The following MCC variants were observed in gnomAD, a reference collection of about 807,000 sequenced individuals.
MCC encodes MCC regulator of Wnt signaling pathway.
Under a neutral mutation model 116.2 loss-of-function variants are expected in MCC, and 90 were observed. The observed-to-expected ratio is 0.77, with a 90% CI of 0.65 to 0.92. The LOEUF (loss-of-function observed/expected upper bound fraction) is 0.92. Ranked by LOEUF, MCC falls within the 40% of genes least tolerant of loss-of-function variation. The pLI, the probability that MCC is intolerant of heterozygous loss-of-function variation, is 0.00. For missense variants in MCC, 1,516 were observed against 1,312.2 expected (o/e 1.16, Z -2.40); for synonymous variants, 578 against 510.5 (o/e 1.13, Z -1.78).
At chr5:113,487,974 G>T (rs556733160) in intron 1 of MCC, among the ~76,000 whole-genome samples, 1 of 152,176 alleles carries the variant, frequency 6.6e-6, no homozygotes, top group African/African-American at 2.4e-5. Flanking sequence ...GCCCCCGGAA[G>T]AGTGCGCATC....
intron 3 of MCC, among the ~76,000 whole-genome samples, chr5:113,187,320 G>A (rs1392749529): frequency 6.6e-6 from 1 of 152,116 alleles, no homozygotes; most frequent in Non-Finnish European, 1.5e-5. Flanking sequence ...TGTTGGCCAG[G>A]CTCATTTTGA....
chr5:113,253,309 T>C (rs1313573752), intron 3 of MCC, among the ~76,000 whole-genome samples: 1 of 152,136 alleles, frequency 6.6e-6, no homozygotes, highest in African/African-American at 2.4e-5. Context: ...GGCCTCCTTT[T>C]CACCAGCCTA....
At chr5:113,139,242 C>G (rs1198974575) in intron 5 of MCC, among the ~76,000 whole-genome samples, 1 of 152,148 alleles carries the variant, frequency 6.6e-6, no homozygotes, top group Non-Finnish European at 1.5e-5. Context: ...GGCTTCTAAA[C>G]TTTTTCTAGA....
chr5:113,281,116 T>C (rs1311154546), intron 3 of MCC, among the ~76,000 whole-genome samples: 4 of 152,188 alleles, frequency 2.6e-5, no homozygotes, highest in Non-Finnish European at 5.9e-5. Context: ...AAAAACTTCT[T>C]GCAAATAAAA....
At chr5:113,218,256 T>C (rs974810385) in intron 3 of MCC, among the ~76,000 whole-genome samples, 1 of 152,184 alleles carries the variant, frequency 6.6e-6, no homozygotes, top group African/African-American at 2.4e-5. Context: ...GTAGGAGCTT[T>C]CATGCCCTGG....
At chr5:113,292,910 T>C (rs775138843) in intron 3 of MCC, among the ~76,000 whole-genome samples, 2 of 152,134 alleles carry the variant, frequency 1.3e-5, no homozygotes, top group African/African-American at 4.8e-5. Context: ...TAGTTCAGAT[T>C]TGAGACCGTT....
intron 5 of MCC, among the ~76,000 whole-genome samples, chr5:113,126,751 C>A (rs1561378793): frequency 3.3e-5 from 5 of 152,126 alleles, no homozygotes. Context: ...CTTATGTTAT[C>A]CGTAAGGCTT....
intron 1 of MCC, among the ~76,000 whole-genome samples, chr5:113,444,679 G>T (rs1430322636): frequency 2.0e-5 from 3 of 152,082 alleles, no homozygotes; most frequent in Non-Finnish European, 4.4e-5. Context: ...TGTTGCTACT[G>T]GTTCCTGGCT....
At position 113,385,129 on chromosome 5, in the gene MCC, T is replaced by C. The variant is rs1229172878; in HGVS notation, c.254A>G (p.Asn85Ser). 1.9e-6 allele frequency: 3 copies of C among 1,614,078 alleles called. No homozygotes were observed. The East Asian group carries it at 6.7e-5, about 36-fold the overall frequency. Reference sequence around the variant, plus strand: ...GAAATCCTGAAAGGAAATCTTCCCATTTTCATCTGCTCCCAACTGGTTCAT... The same window carrying C: ...GAAATCCTGAAAGGAAATCTTCCCACTTTCATCTGCTCCCAACTGGTTCAT... The part of the protein sequence containing the change: ...EIMNQLGADE[N>S]GKISFQDFTR... Residue 85 changes from asparagine to serine, a missense_variant, in exon 2 of 19, where the codon AAT becomes AGT. Physicochemically the swap from Asn to Ser is conservative, Grantham distance 46. Coordinates refer to ENST00000408903, the MANE Select transcript of MCC (RefSeq NM_001085377.2).
At chr5:113,040,224 G>A (rs1402654369) in intron 17 of MCC, among the ~76,000 whole-genome samples, 13 of 151,746 alleles carry the variant, frequency 8.6e-5, no homozygotes, top group African/African-American at 2.9e-4. Flanking sequence ...ACAGAAGAAA[G>A]TTAGGAGAAG....
At chr5:113,058,683 T>A (rs6879589) in intron 14 of MCC, among the ~76,000 whole-genome samples, 1 of 152,038 alleles carries the variant, frequency 6.6e-6, no homozygotes, top group Admixed American at 6.6e-5. Context: ...CCTCTGCCAC[T>A]TCCTTGCTTT....
chr5:113,190,755 C>A (rs1762117146), intron 3 of MCC, among the ~76,000 whole-genome samples: 1 of 152,190 alleles, frequency 6.6e-6, no homozygotes, highest in African/African-American at 2.4e-5. Context: ...AGGGCAGGGG[C>A]AAGAGGAAGT....
chr5:113,484,138 C>T (rs1197703688), intron 1 of MCC, among the ~76,000 whole-genome samples: 1 of 151,902 alleles, frequency 6.6e-6, no homozygotes, highest in Non-Finnish European at 1.5e-5. Context: ...GCTTAGTATC[C>T]ATAACTATAG....
At chr5:113,145,979 A>G (rs1242070887) in intron 4 of MCC, among the ~76,000 whole-genome samples, 5 of 152,212 alleles carry the variant, frequency 3.3e-5, no homozygotes, top group African/African-American at 4.8e-5. Flanking sequence ...GCTTGTAGCT[A>G]AAGGAAAAAA....
intron 1 of MCC, among the ~76,000 whole-genome samples, chr5:113,443,921 C>G (rs751147940): frequency 1.3e-5 from 2 of 152,050 alleles, no homozygotes; most frequent in African/African-American, 2.4e-5. Flanking sequence ...CCTCCTGGTT[C>G]AAGCAATTCT....
chr5:113,275,837 T>A (rs888544683), intron 3 of MCC, among the ~76,000 whole-genome samples: 1 of 152,140 alleles, frequency 6.6e-6, no homozygotes, highest in Non-Finnish European at 1.5e-5. Context: ...GATTTTGGTG[T>A]AGCGGGAGGT....
At chr5:113,439,410 T>C (rs1215347911) in intron 1 of MCC, among the ~76,000 whole-genome samples, 1 of 152,106 alleles carries the variant, frequency 6.6e-6, no homozygotes, top group Non-Finnish European at 1.5e-5. Flanking sequence ...GAAAGGGAAA[T>C]GGCATTTGAA....
At chr5:113,045,895 T>C (rs1378776848) in intron 16 of MCC, among the ~76,000 whole-genome samples, 1 of 151,702 alleles carries the variant, frequency 6.6e-6, no homozygotes, top group South Asian at 2.1e-4. Context: ...CATTGGACAA[T>C]AGCAAAGCTG....
At chr5:113,080,352 A>T (rs994996978) in intron 11 of MCC, among the ~76,000 whole-genome samples, 15 of 152,234 alleles carry the variant, frequency 9.9e-5, no homozygotes, top group Non-Finnish European at 2.1e-4. Flanking sequence ...ACACATGCAC[A>T]TGTATGTTTA....
Sources: allele counts gnomAD v4.1 joint callset (sites outside exome capture counted in the v4.1 genomes callset), GRCh38; gene constraint gnomAD v4.1.1; transcripts MANE v1.5; gene names NCBI Gene and HGNC (gene_info 2026-07-23, HGNC 2026-07-21).